The following ENO4 variants were observed in gnomAD, a reference collection of about 807,000 sequenced individuals.
ENO4 encodes the protein enolase 4, also known as 2-phospho-D-glycerate hydro-lyase.
In ENO4, 53 loss-of-function variants were observed where a neutral mutation model predicts 63.2. The ratio of observed to expected loss-of-function variants is 0.84; its 90% CI spans 0.67 to 1.05. The LOEUF (loss-of-function observed/expected upper bound fraction) is 1.05. ENO4 is among the 50% of genes least tolerant of loss of function. The pLI is 0.00. For synonymous variants in ENO4, 266 were observed against 283.8 expected (o/e 0.94, Z 0.63); for missense variants, 719 against 772.0 (o/e 0.93, Z 0.81).
At position 116,861,104 on chromosome 10, in the gene ENO4, G is replaced by A. The variant is rs772651228; in HGVS notation, c.850G>A (p.Val284Ile). 9.7e-6 allele frequency: 15 copies of A among 1,549,168 alleles called. No individual in the cohort carries two copies. Among genetic ancestry groups the A allele is most frequent in the Non-Finnish European group, 1.1e-5 (13 of 1,146,252 alleles). ...LSMPLLMVSLVSCGKSSSGKL... is the reference protein window; with the variant it reads ...LSMPLLMVSLISCGKSSSGKL... Reference sequence around the variant, plus strand: ...TATGCCTTTGCTGATGGTATCGCTGGTCAGCTGTGGGAAGTCATCATCTGG... The same window carrying A: ...TATGCCTTTGCTGATGGTATCGCTGATCAGCTGTGGGAAGTCATCATCTGG... The change falls in exon 6 of 14, where the codon GTC becomes ATC. Residue 284 changes from valine (V) to isoleucine (I), a missense_variant. Val to Ile is a conservative substitution (Grantham distance 29, BLOSUM62 3). Around this residue, in one of 3 missense-constraint regions of ENO4, gnomAD observed 544 missense variants for 583.6 expected, o/e 0.93. Coordinates refer to ENST00000341276, the MANE Select transcript of ENO4 (RefSeq NM_001242699.2).
At chr10:116,891,533 T>C (rs1847342995) in intron 10 of ENO4, among the ~76,000 whole-genome samples, 1 of 152,250 alleles carries the variant, frequency 6.6e-6, no homozygotes, top group Non-Finnish European at 1.5e-5. Flanking sequence ...TAAATTTGTC[T>C]TTATAAAGTC....
intron 10 of ENO4, chr10:116,901,196 C>T: frequency 3.0e-6 from 3 of 985,378 alleles, no homozygotes; most frequent in Non-Finnish European, 3.6e-6. Flanking sequence ...AATTGATCCT[C>T]CACTAGATCT....
chr10:116,852,770 GATGCCCAGCCA>G (rs1378166759), intron 1 of ENO4, among the ~76,000 whole-genome samples: 1 of 152,168 alleles, frequency 6.6e-6, no homozygotes, highest in Non-Finnish European at 1.5e-5. Context: ...GAGAAAGATA[GATGCCCAGCCA>G]ACCCCTCACT....
At chr10:116,910,061 A>C (rs1346361974) in intron 10 of ENO4, among the ~76,000 whole-genome samples, 1 of 152,102 alleles carries the variant, frequency 6.6e-6, no homozygotes, top group Non-Finnish European at 1.5e-5. Flanking sequence ...ACCACTAAAG[A>C]CCCAAATGTC....
intron 10 of ENO4, chr10:116,901,829 T>C (rs1282404145): frequency 1.2e-6 from 2 of 1,603,298 alleles, no homozygotes; most frequent in Non-Finnish European, 1.7e-6. Context: ...GGCTCAGGTG[T>C]TGGGGGGGAC....
At chr10:116,854,587 A>G (rs1405077383) in intron 1 of ENO4, among the ~76,000 whole-genome samples, 1 of 150,264 alleles carries the variant, frequency 6.7e-6, no homozygotes, top group Non-Finnish European at 1.5e-5. Context: ...AATTCAGCCC[A>G]TGTCAGGTTT....
intron 10 of ENO4, among the ~76,000 whole-genome samples, chr10:116,888,412 G>A (rs1204608353): frequency 6.6e-6 from 1 of 152,002 alleles, no homozygotes; most frequent in African/African-American, 2.4e-5. Flanking sequence ...CTTAGGGAAT[G>A]AGAGGCACTA....
intron 11 of ENO4, among the ~76,000 whole-genome samples, chr10:116,877,248 C>G (rs1465056119): frequency 6.6e-6 from 1 of 152,130 alleles, no homozygotes; most frequent in Non-Finnish European, 1.5e-5. Flanking sequence ...ACTTTATGCT[C>G]TAGATTCTAG....
At chr10:116,863,370 A>ACG (rs1846468330) in intron 7 of ENO4, among the ~76,000 whole-genome samples, 1 of 151,572 alleles carries the variant, frequency 6.6e-6, no homozygotes, top group African/African-American at 2.4e-5. Flanking sequence ...ACACACACAC[A>ACG]CACACACACA....
At chr10:116,865,929 G>A (rs1245531785) in intron 7 of ENO4, among the ~76,000 whole-genome samples, 1 of 152,126 alleles carries the variant, frequency 6.6e-6, no homozygotes, top group East Asian at 1.9e-4. Context: ...ACCATCCTGA[G>A]TGCTTTAATA....
At chr10:116,900,090 TAAG>T (rs1847678491) in intron 10 of ENO4, among the ~76,000 whole-genome samples, 1 of 152,218 alleles carries the variant, frequency 6.6e-6, no homozygotes, top group Non-Finnish European at 1.5e-5. Context: ...TAATTATACT[TAAG>T]AAACAGATTT....
intron 10 of ENO4, among the ~76,000 whole-genome samples, chr10:116,889,739 C>A (rs1236160984): frequency 6.6e-6 from 1 of 152,212 alleles, no homozygotes; most frequent in Non-Finnish European, 1.5e-5. Context: ...AGGCTACAGG[C>A]TAGTTTTTGG....
Position 116,859,157 on chromosome 10 carries a change from T to C in ENO4, c.634+19T>C. The C allele has an allele frequency of 2.6e-6, 4 of 1,516,152 alleles. No individual in the cohort carries two copies. Among genetic ancestry groups the C allele is most frequent in the Non-Finnish European group, 3.5e-6 (4 of 1,137,120 alleles). 93.9% of individuals were successfully genotyped at this position (1,516,152 alleles called of 1,614,324 possible). ...AAGCCAGGTTGGTTGGTGACTTATC[T>C]TGCAGAGTCGTTAGTAACAAATGTG... On this transcript the variant is annotated intron_variant, in intron 4 of 13. Coordinates refer to ENST00000341276, the MANE Select transcript of ENO4 (RefSeq NM_001242699.2).
In ENO4 at chr10:116,859,134, G is replaced by T. The variant is rs765955713; in HGVS notation, c.630G>T (p.Lys210Asn). 2.0e-6 allele frequency: 3 copies of T among 1,509,782 alleles called. No homozygotes were observed. Among genetic ancestry groups the T allele is most frequent in the East Asian group, 2.5e-5 (1 of 39,892 alleles). 93.5% of individuals were successfully genotyped at this position (1,509,782 alleles called of 1,614,324 possible). ...CTCCTACCAAAAAAAAGGGGCAAAAGCCAGGTTGGTTGGTGACTTATCTTG... is the reference window on the plus strand; with the variant it reads ...CTCCTACCAAAAAAAAGGGGCAAAATCCAGGTTGGTTGGTGACTTATCTTG... ...PPPPTKKKGQ[K>N]PGRKDTITEK... Residue 210 changes from lysine (K) to asparagine (N), a missense_variant, in exon 4 of 14, where the codon AAG becomes AAT. Coordinates refer to ENST00000341276, the MANE Select transcript of ENO4 (RefSeq NM_001242699.2).
At chr10:116,888,365 T>A (rs549008185) in intron 10 of ENO4, among the ~76,000 whole-genome samples, 1 of 152,132 alleles carries the variant, frequency 6.6e-6, no homozygotes, top group Non-Finnish European at 1.5e-5. Flanking sequence ...GCAGAACAAC[T>A]ATGAGTAATA....
downstream of ENO4, among the ~76,000 whole-genome samples, chr10:116,887,392 A>G (rs61872989): frequency 4.0e-3 from 614 of 152,318 alleles, 1 homozygote; most frequent in Non-Finnish European, 7.0e-3. Context: ...AGGCAGCTGC[A>G]GCAGGCAGGG....
chr10:116,851,150 A>G (rs1381475043), intron 1 of ENO4, among the ~76,000 whole-genome samples: 5 of 152,216 alleles, frequency 3.3e-5, no homozygotes, highest in African/African-American at 7.2e-5. Context: ...TTCTTATTCT[A>G]TTAGGCAGCC....
chr10:116,859,903 C>T (rs1846364414), intron 4 of ENO4, among the ~76,000 whole-genome samples: 1 of 152,040 alleles, frequency 6.6e-6, no homozygotes, highest in Non-Finnish European at 1.5e-5. Context: ...GATGCTGAGG[C>T]CCAGAGAAGT....
chr10:116,910,911 G>A (rs768320762), intron 10 of ENO4, among the ~76,000 whole-genome samples: 4 of 152,180 alleles, frequency 2.6e-5, no homozygotes, highest in East Asian at 3.8e-4. Context: ...AAGCCATTCT[G>A]GGTTAAGTCT....
Sources: gnomAD v4.1 joint callset for allele counts (sites outside exome capture counted in the v4.1 genomes callset) on GRCh38, gnomAD v4.1.1 for gene constraint, gnomAD v4.1.1 regional missense constraint, MANE v1.5 for transcripts, NCBI Gene and HGNC (gene_info 2026-07-23, HGNC 2026-07-21) for gene names.